Variants in OLAH observed in about 807,000 individuals in gnomAD.
OLAH encodes the protein S-acyl fatty acid synthase thioesterase, medium chain.
OLAH carries 33 observed loss-of-function variants against 27.8 expected under a neutral mutation model. The ratio of observed to expected loss-of-function variants is 1.19; its 90% CI spans 0.90 to 1.59. OLAH has a LOEUF of 1.59. Ranked by LOEUF, OLAH falls within the 40% of genes most tolerant of loss-of-function variation. The pLI, the probability that OLAH is intolerant of heterozygous loss-of-function variation, is 0.00. For missense variants in OLAH, 359 were observed against 310.8 expected, an observed-to-expected ratio of 1.16 and a Z score of -1.17; for synonymous variants, 120 against 102.9, an observed-to-expected ratio of 1.17 and a Z score of -1.01.
intron 3 of OLAH, among the ~76,000 whole-genome samples, chr10:15,060,795 T>G (rs1438547696): frequency 6.6e-6 from 1 of 152,146 alleles, no homozygotes; most frequent in Non-Finnish European, 1.5e-5. Flanking sequence ...CCTTCCAGCT[T>G]TTTGGCATGT....
In OLAH at chr10:15,071,662, A is replaced by G. The variant is rs868049649; in HGVS notation, c.573-133A>G. The G allele has an allele frequency of 4.2e-6, 6 of 1,420,390 alleles. No homozygotes were observed. The African/African-American group carries it at 4.3e-5, about 10-fold the overall frequency. The allele number at this position is 1,420,390 out of a possible 1,614,324, so 88.0% of individuals were successfully genotyped here. ...GACAGGTAGAAGTGCCATTGGTGAAAAATGTTTTACACTGCTAGAGTAGCC... is the reference window on the plus strand; with the variant it reads ...GACAGGTAGAAGTGCCATTGGTGAAGAATGTTTTACACTGCTAGAGTAGCC... On this transcript the variant is annotated intron_variant, in intron 6 of 7. Coordinates refer to ENST00000378228, the MANE Select transcript of OLAH (RefSeq NM_001039702.3).
chr10:15,071,311 C>T (rs1406831823), intron 6 of OLAH, among the ~76,000 whole-genome samples: 2 of 152,156 alleles, frequency 1.3e-5, no homozygotes, highest in African/African-American at 4.8e-5. Flanking sequence ...ATGTCTCTCT[C>T]CCAGCCAGTC....
chr10:15,056,604 T>TCTTTCCTTCCTTC (rs1200423869), intron 3 of OLAH, among the ~76,000 whole-genome samples: 5 of 151,918 alleles, frequency 3.3e-5, no homozygotes, highest in Admixed American at 6.6e-5. Flanking sequence ...TTCCTTTCTT[T>TCTTTCCTTCCTTC]CTTTCCTTCC....
intron 1 of OLAH, among the ~76,000 whole-genome samples, chr10:15,038,083 C>T (rs1376821368): frequency 2.0e-5 from 3 of 152,218 alleles, no homozygotes; most frequent in Non-Finnish European, 2.9e-5. Flanking sequence ...AAGGAGATCA[C>T]TTTGGAGTTT....
At chr10:15,067,662 C>T (rs559307476) in intron 6 of OLAH, among the ~76,000 whole-genome samples, 1 of 152,274 alleles carries the variant, frequency 6.6e-6, no homozygotes, top group East Asian at 1.9e-4. Flanking sequence ...CAAATTTTAA[C>T]GTCCTCTCTC....
At chr10:15,070,477 GTTGTT>G (rs1564536010) in intron 6 of OLAH, among the ~76,000 whole-genome samples, 2 of 151,968 alleles carry the variant, frequency 1.3e-5, no homozygotes, top group African/African-American at 2.4e-5. Context: ...TTTTGTTGTT[GTTGTT>G]TTGTTTTGCT....
chr10:15,067,123 T>C (rs1366961627), intron 6 of OLAH, among the ~76,000 whole-genome samples: 1 of 152,210 alleles, frequency 6.6e-6, no homozygotes, highest in African/African-American at 2.4e-5. Context: ...AATATCACAG[T>C]GTACCTCACC....
In OLAH at chr10:15,064,530, G is replaced by A. The variant is rs768375404; in HGVS notation, c.402+28G>A. 1.5e-5 allele frequency: 20 copies of A among 1,296,302 alleles called. No homozygotes were observed. In the African/African-American group the frequency reaches 2.9e-4, roughly 19 times the overall value. 80.3% of individuals were successfully genotyped at this position (1,296,302 alleles called of 1,614,324 possible). Reference sequence around the variant, plus strand: ...AAGTAATTTAGCTTTTTCCTAGGAAGGGCAGTGGAGAGCAGGGAAATGGGG... The same window carrying A: ...AAGTAATTTAGCTTTTTCCTAGGAAAGGCAGTGGAGAGCAGGGAAATGGGG... On this transcript the variant is annotated intron_variant, in intron 5 of 7. Transcript: ENST00000378228.
At chr10:15,036,182 T>C (rs1486240533) in intron 1 of OLAH, among the ~76,000 whole-genome samples, 1 of 152,212 alleles carries the variant, frequency 6.6e-6, no homozygotes, top group Non-Finnish European at 1.5e-5. Flanking sequence ...TCAAATCCTC[T>C]AAGAATTTTT....
At chr10:15,051,437 A>C (rs906379481) in intron 3 of OLAH, among the ~76,000 whole-genome samples, 10 of 152,216 alleles carry the variant, frequency 6.6e-5, no homozygotes, top group Admixed American at 5.2e-4. Context: ...GGGATTAGCC[A>C]TCTGATCTAA....
upstream of OLAH, among the ~76,000 whole-genome samples, chr10:15,039,211 G>A (rs1451819966): frequency 6.6e-6 from 1 of 151,874 alleles, no homozygotes; most frequent in Non-Finnish European, 1.5e-5. Context: ...GAGTGACAGA[G>A]GAAGACTATG....
intron 6 of OLAH, among the ~76,000 whole-genome samples, chr10:15,068,671 C>T (rs764375916): frequency 6.6e-6 from 1 of 152,328 alleles, no homozygotes; most frequent in East Asian, 1.9e-4. Context: ...GCTGGCATTA[C>T]AGGCATGAGC....
chr10:15,058,831 T>C (rs1022145630), intron 3 of OLAH, among the ~76,000 whole-genome samples: 1 of 152,108 alleles, frequency 6.6e-6, no homozygotes, highest in Non-Finnish European at 1.5e-5. Context: ...TTGAAAGATA[T>C]TGTCACAGGA....
chr10:15,068,996 C>T (rs750545666), intron 6 of OLAH, among the ~76,000 whole-genome samples: 2 of 152,134 alleles, frequency 1.3e-5, no homozygotes, highest in Non-Finnish European at 2.9e-5. Flanking sequence ...TTCAATGTTC[C>T]CTGTGACTCA....
rs1314936322 is a variant in OLAH at position 15,065,575 on chromosome 10, T to C, written c.403-9T>C. 5 of 1,604,866 alleles carry C rather than the reference T, an allele frequency of 3.1e-6. No homozygotes were observed. Among genetic ancestry groups the C allele is most frequent in the South Asian group, 1.1e-5 (1 of 89,330 alleles). ...AATATCAGGCCTGTGTTGTTGTTCA[T>C]GTTTCAAGTCAAAGGCCTGGCATCG... On this transcript the variant is annotated splice_polypyrimidine_tract_variant and intron_variant, in intron 5 of 7. Coordinates refer to ENST00000378228, the MANE Select transcript of OLAH (RefSeq NM_001039702.3).
intron 2 of OLAH, among the ~76,000 whole-genome samples, chr10:15,048,591 A>G (rs1372393073): frequency 1.3e-5 from 2 of 152,372 alleles, no homozygotes; most frequent in African/African-American, 2.4e-5. Flanking sequence ...TATAAAACTT[A>G]CATATAACTT....
intron 3 of OLAH, among the ~76,000 whole-genome samples, chr10:15,052,877 G>T (rs1844173838): frequency 1.3e-5 from 2 of 151,672 alleles, no homozygotes; most frequent in African/African-American, 4.8e-5. Context: ...TGAGTAGTTG[G>T]GAATACAGGC....
chr10:15,064,290 T>C (rs2131371753), intron 4 of OLAH, 113 bp from the exon 5 acceptor site: 1 of 644,600 alleles, frequency 1.6e-6, no homozygotes, highest in Non-Finnish European at 2.7e-6. Flanking sequence ...CACTTTCCTT[T>C]CATCTATTAC....
At chr10:15,050,416 T>C (rs1368188140) in intron 3 of OLAH, among the ~76,000 whole-genome samples, 2 of 152,106 alleles carry the variant, frequency 1.3e-5, no homozygotes, top group Non-Finnish European at 2.9e-5. Context: ...TACAGGCATG[T>C]GCCACCATGC....
Sources: gnomAD v4.1 joint callset for allele counts (sites outside exome capture counted in the v4.1 genomes callset) on GRCh38, gnomAD v4.1.1 for gene constraint, MANE v1.5 for transcripts, NCBI Gene and HGNC (gene_info 2026-07-23, HGNC 2026-07-21) for gene names.